Variants in MECOM observed in about 807,000 individuals in gnomAD.
The protein encoded by MECOM is histone-lysine N-methyltransferase MECOM.
In MECOM, 13 loss-of-function variants were observed where a neutral mutation model predicts 116.3. The ratio of observed to expected loss-of-function variants is 0.11; its 90% CI spans 0.07 to 0.18. The LOEUF (loss-of-function observed/expected upper bound fraction) is 0.18. Among genes scored for constraint, MECOM ranks in the 10% least tolerant of loss-of-function variants. The probability of loss-of-function intolerance (pLI) is 1.00; values close to 1 mark genes in which losing one functional copy is unlikely to be tolerated. For synonymous variants in MECOM, 528 were observed against 535.2 expected (o/e 0.99, Z 0.19); for missense variants, 1,299 against 1,509.0 (o/e 0.86, Z 2.31).
chr3:169,451,378 T>G (rs1745568735), intron 1 of MECOM, among the ~76,000 whole-genome samples: 1 of 152,194 alleles, frequency 6.6e-6, no homozygotes, highest in Non-Finnish European at 1.5e-5. Context: ...AATAGGAATA[T>G]GTACTATGAA....
chr3:169,483,956 C>G, intron 1 of MECOM: 2 of 1,605,044 alleles, frequency 1.2e-6, no homozygotes, highest in South Asian at 2.2e-5. Flanking sequence ...TGGCAGCATC[C>G]ATGATTCTAC....
chr3:169,348,365 G>A (rs1318429609), intron 2 of MECOM, among the ~76,000 whole-genome samples: 2 of 152,018 alleles, frequency 1.3e-5, no homozygotes, highest in Non-Finnish European at 2.9e-5. Flanking sequence ...AACACCTACT[G>A]ACCCAGGATC....
intron 1 of MECOM, among the ~76,000 whole-genome samples, chr3:169,402,875 C>T (rs1206780514): frequency 6.6e-6 from 1 of 152,162 alleles, no homozygotes; most frequent in Non-Finnish European, 1.5e-5. Flanking sequence ...GTACACACCC[C>T]TTTCCTTGCT....
intron 2 of MECOM, among the ~76,000 whole-genome samples, chr3:169,354,372 C>T (rs1274087486): frequency 6.6e-6 from 1 of 151,822 alleles, no homozygotes; most frequent in African/African-American, 2.4e-5. Context: ...AAAAACTAAT[C>T]ATTATATCTC....
intron 2 of MECOM, among the ~76,000 whole-genome samples, chr3:169,366,768 G>A (rs979346652): frequency 5.9e-5 from 9 of 152,012 alleles, no homozygotes; most frequent in African/African-American, 2.2e-4. Flanking sequence ...GCCATGCCAT[G>A]CACACCTGGG....
At chr3:169,257,359 G>T (rs899107209) in intron 2 of MECOM, among the ~76,000 whole-genome samples, 1 of 152,164 alleles carries the variant, frequency 6.6e-6, no homozygotes. Context: ...ATTTGCATGT[G>T]TCTTCCAGAA....
chr3:169,365,157 G>A (rs771720340), intron 2 of MECOM, among the ~76,000 whole-genome samples: 1 of 151,838 alleles, frequency 6.6e-6, no homozygotes, highest in African/African-American at 2.4e-5. Context: ...CTCAATCCTG[G>A]GGCTCAGTGT....
At chr3:169,148,039 A>G (rs1740447308) in intron 2 of MECOM, among the ~76,000 whole-genome samples, 1 of 152,182 alleles carries the variant, frequency 6.6e-6, no homozygotes, top group Non-Finnish European at 1.5e-5. Context: ...TTTTTAATTG[A>G]AACTCATACT....
chr3:169,632,217 C>T (rs914572538), intron 1 of MECOM, among the ~76,000 whole-genome samples: 1 of 101,310 alleles, frequency 9.9e-6, no homozygotes, highest in African/African-American at 3.5e-5. Context: ...ATTCAAAACA[C>T]ATGTTTTTTC....
intron 1 of MECOM, among the ~76,000 whole-genome samples, chr3:169,436,736 G>A (rs1388441092): frequency 6.6e-6 from 1 of 152,036 alleles, no homozygotes; most frequent in Non-Finnish European, 1.5e-5. Flanking sequence ...CTATGTGTTA[G>A]ACTGACTGAA....
intron 1 of MECOM, among the ~76,000 whole-genome samples, chr3:169,489,709 G>C (rs1254299323): frequency 6.6e-6 from 1 of 152,024 alleles, no homozygotes; most frequent in African/African-American, 2.4e-5. Context: ...GATAAAACTA[G>C]ATCCTTACCT....
chr3:169,104,776 CT>C (rs562438445), intron 10 of MECOM, among the ~76,000 whole-genome samples: 160 of 152,262 alleles, frequency 1.1e-3, no homozygotes, highest in Admixed American at 2.0e-3. Flanking sequence ...GAGCAATTGG[CT>C]GTTGAGAAAT....
At chr3:169,158,855 G>C (rs1220412626) in intron 2 of MECOM, among the ~76,000 whole-genome samples, 1 of 152,164 alleles carries the variant, frequency 6.6e-6, no homozygotes, top group East Asian at 1.9e-4. Context: ...GTGGGGTGCA[G>C]ACCAGCACTT....
intron 1 of MECOM, among the ~76,000 whole-genome samples, chr3:169,435,362 C>A (rs969298159): frequency 6.6e-6 from 1 of 152,074 alleles, no homozygotes; most frequent in Non-Finnish European, 1.5e-5. Flanking sequence ...TCATACATCA[C>A]CCGATTACTT....
chr3:169,425,066 A>G (rs922891149), intron 1 of MECOM, among the ~76,000 whole-genome samples: 22 of 150,314 alleles, frequency 1.5e-4, no homozygotes, highest in African/African-American at 5.4e-4. Context: ...GAGGGAAAAG[A>G]GGAAAATTAA....
At chr3:169,616,109 C>T (rs1424814100) in intron 1 of MECOM, among the ~76,000 whole-genome samples, 2 of 152,138 alleles carry the variant, frequency 1.3e-5, no homozygotes, top group African/African-American at 4.8e-5. Context: ...GGCTGGTTCT[C>T]CCCCAGGAGC....
chr3:169,190,167 A>G (rs555386599), intron 2 of MECOM, among the ~76,000 whole-genome samples: 1 of 152,080 alleles, frequency 6.6e-6, no homozygotes, highest in Non-Finnish European at 1.5e-5. Context: ...TAGTATTCAC[A>G]TATCTAGGCA....
intron 1 of MECOM, among the ~76,000 whole-genome samples, chr3:169,643,501 A>G (rs1207143768): frequency 6.6e-6 from 1 of 152,186 alleles, no homozygotes; most frequent in East Asian, 1.9e-4. Flanking sequence ...TACCACTCCC[A>G]GAATCCAAAT....
intron 2 of MECOM, among the ~76,000 whole-genome samples, chr3:169,175,506 C>A (rs1745027210): frequency 6.6e-6 from 1 of 152,150 alleles, no homozygotes; most frequent in African/African-American, 2.4e-5. Context: ...TGGGTCCCAT[C>A]CCCAAGATAT....
Sources: gnomAD v4.1 joint callset for allele counts (sites outside exome capture counted in the v4.1 genomes callset) on GRCh38, gnomAD v4.1.1 for gene constraint, MANE v1.5 for transcripts, NCBI Gene and HGNC (gene_info 2026-07-23, HGNC 2026-07-21) for gene names.